Variants in WDPCP observed in about 807,000 individuals in gnomAD.
WDPCP encodes the protein WD repeat containing planar cell polarity effector, also known as WD repeat-containing and planar cell polarity effector protein fritz homolog.
A neutral mutation model predicts 93.1 loss-of-function variants in WDPCP; 71 were observed. The ratio of observed to expected loss-of-function variants is 0.76; its 90% CI spans 0.63 to 0.93. The LOEUF (loss-of-function observed/expected upper bound fraction) is 0.93, where lower values mean the gene tolerates loss of function less well. WDPCP is among the 40% of genes least tolerant of loss of function. The pLI is 0.00. For missense variants in WDPCP, 844 were observed against 887.4 expected (o/e 0.95, Z 0.62); for synonymous variants, 315 against 315.0 (o/e 1.00, Z 0.00).
intron 6 of WDPCP, among the ~76,000 whole-genome samples, chr2:63,457,805 CA>C (rs759095218): frequency 2.6e-5 from 4 of 152,128 alleles, no homozygotes; most frequent in Non-Finnish European, 5.9e-5. Context: ...GACCATCCAT[CA>C]TACTGAATAA....
intron 15 of WDPCP, among the ~76,000 whole-genome samples, chr2:63,154,228 G>C (rs1672076483): frequency 6.6e-6 from 1 of 151,644 alleles, no homozygotes; most frequent in Non-Finnish European, 1.5e-5. Flanking sequence ...CAGATGTTTA[G>C]ATTCCTGTTA....
chr2:63,270,063 C>T (rs1390954143), intron 13 of WDPCP, among the ~76,000 whole-genome samples: 2 of 152,204 alleles, frequency 1.3e-5, no homozygotes, highest in Non-Finnish European at 2.9e-5. Context: ...ATGAATGTAA[C>T]TTTCAAGATA....
chr2:63,671,104 C>A (rs912377713), intron 2 of WDPCP, among the ~76,000 whole-genome samples: 2 of 152,094 alleles, frequency 1.3e-5, no homozygotes, highest in Non-Finnish European at 2.9e-5. Flanking sequence ...TCCTAGACTG[C>A]CCAGGAGGGT....
At chr2:63,206,627 A>G (rs2104376462) in intron 14 of WDPCP, among the ~76,000 whole-genome samples, 1 of 151,594 alleles carries the variant, frequency 6.6e-6, no homozygotes, top group South Asian at 2.1e-4. Flanking sequence ...TAATTTTTGT[A>G]CTTTTTATAG....
upstream of WDPCP, among the ~76,000 whole-genome samples, chr2:63,828,984 A>T (rs1223783586): frequency 6.6e-6 from 1 of 152,196 alleles, no homozygotes; most frequent in Non-Finnish European, 1.5e-5. Flanking sequence ...AAAAGCTTAT[A>T]AATTTGTATT....
intron 6 of WDPCP, among the ~76,000 whole-genome samples, chr2:63,462,649 A>G (rs1315359648): frequency 6.6e-6 from 1 of 152,198 alleles, no homozygotes; most frequent in Non-Finnish European, 1.5e-5. Context: ...GGCTAAAAAT[A>G]TGCAGAAAGG....
chr2:63,686,615 C>T lies in WDPCP; in HGVS notation n.309-35777G>A, dbSNP rs562949859. Among the ~76,000 whole-genome samples the T allele has an allele frequency of 2.6e-5, 4 of 151,986 alleles. 1 individual carries two copies. Among genetic ancestry groups the T allele is most frequent in the African/African-American group, 9.7e-5 (4 of 41,448 alleles). On this transcript the variant is annotated intron_variant and non_coding_transcript_variant, in intron 2 of 4. Transcript: ENST00000467687. ...AAAATTAAGCAGAACCACAAAAGAC[C>T]CAGAATAGCCAAATCTATCCTGAGC...
At chr2:63,770,889 C>T (rs936682460) in intron 2 of WDPCP, among the ~76,000 whole-genome samples, 1 of 151,578 alleles carries the variant, frequency 6.6e-6, no homozygotes, top group African/African-American at 2.4e-5. Flanking sequence ...GTCACTCTTC[C>T]CAATTTCTTG....
At chr2:63,186,450 T>A (rs570605328) in intron 14 of WDPCP, among the ~76,000 whole-genome samples, 8 of 152,356 alleles carry the variant, frequency 5.3e-5, no homozygotes, top group African/African-American at 1.9e-4. Context: ...GCCCAGTTTG[T>A]TGTGAGCCAA....
chr2:63,721,917 G>A (rs1490519341), intron 2 of WDPCP, among the ~76,000 whole-genome samples: 1 of 152,206 alleles, frequency 6.6e-6, no homozygotes, highest in African/African-American at 2.4e-5. Flanking sequence ...TTTTGGTGGA[G>A]ATGGGGTTTC....
Position 63,809,481 on chromosome 2 carries a change from T to C in WDPCP, n.308+4141A>G, listed in dbSNP as rs957936256. Among the ~76,000 whole-genome samples, 21 of 152,112 alleles carry C rather than the reference T, an allele frequency of 1.4e-4. No individual in the cohort carries two copies. The South Asian group carries it at 3.1e-3, about 23-fold the overall frequency. ...TTGTGGAATACAAAGGGGGGAAAGG[T>C]GGGGAAAAGATTGAGAAATCGGATG... On this transcript the variant is annotated intron_variant and non_coding_transcript_variant, in intron 2 of 4. Transcript: ENST00000467687.
At chr2:63,243,443 A>T (rs1680018481) in intron 14 of WDPCP, among the ~76,000 whole-genome samples, 1 of 152,028 alleles carries the variant, frequency 6.6e-6, no homozygotes, top group South Asian at 2.1e-4. Flanking sequence ...TTGTATGCAT[A>T]GTTTGTGAAC....
At chr2:63,362,037 T>A (rs1055987646) in intron 12 of WDPCP, among the ~76,000 whole-genome samples, 1 of 152,190 alleles carries the variant, frequency 6.6e-6, no homozygotes, top group Non-Finnish European at 1.5e-5. Context: ...AATTGGGATA[T>A]CCATCACCTC....
At chr2:63,266,378 A>T (rs1682118442) in intron 13 of WDPCP, among the ~76,000 whole-genome samples, 1 of 152,210 alleles carries the variant, frequency 6.6e-6, no homozygotes, top group South Asian at 2.1e-4. Context: ...CCAAAAAAAA[A>T]TTAAGAAAAC....
At chr2:63,231,388 T>C (rs912449881) in intron 14 of WDPCP, among the ~76,000 whole-genome samples, 8 of 152,160 alleles carry the variant, frequency 5.3e-5, no homozygotes, top group Admixed American at 1.3e-4. Context: ...GGAAGTCAAA[T>C]TGTCCCTGTT....
At chr2:63,521,681 T>C (rs75934274) in intron 1 of WDPCP, among the ~76,000 whole-genome samples, 1 of 151,976 alleles carries the variant, frequency 6.6e-6, no homozygotes, top group African/African-American at 2.4e-5. Context: ...AGGGACCTAA[T>C]AGACATCTAC....
intron 6 of WDPCP, among the ~76,000 whole-genome samples, chr2:63,462,878 C>T (rs1434168855): frequency 1.3e-5 from 2 of 152,100 alleles, no homozygotes; most frequent in Non-Finnish European, 2.9e-5. Context: ...AGAGGGGTCT[C>T]TGCGTTTCAT....
intron 2 of WDPCP, among the ~76,000 whole-genome samples, chr2:63,801,921 C>G (rs1180606080): frequency 6.6e-6 from 1 of 152,084 alleles, no homozygotes; most frequent in Non-Finnish European, 1.5e-5. Flanking sequence ...TCACTTATGC[C>G]ATATTCTATC....
At chr2:63,232,057 C>T (rs1258360777) in intron 14 of WDPCP, among the ~76,000 whole-genome samples, 1 of 152,088 alleles carries the variant, frequency 6.6e-6, no homozygotes, top group Non-Finnish European at 1.5e-5. Flanking sequence ...CTTTGACAAA[C>T]CTGACAAAAA....
Sources: allele counts gnomAD v4.1 joint callset (sites outside exome capture counted in the v4.1 genomes callset), GRCh38; gene constraint gnomAD v4.1.1; transcripts MANE v1.5; gene names NCBI Gene and HGNC (gene_info 2026-07-23, HGNC 2026-07-21).